The following IGF1R variants were observed in gnomAD, a reference collection of about 807,000 sequenced individuals.
IGF1R encodes the protein insulin like growth factor 1 receptor.
In IGF1R, 44 loss-of-function variants were observed where a neutral mutation model predicts 144.6. That is an observed-to-expected ratio of 0.30 (90% CI 0.24 to 0.39). IGF1R has a LOEUF of 0.39. IGF1R is among the 10% of genes least tolerant of loss of function. The probability of loss-of-function intolerance (pLI) is 1.00; values close to 1 mark genes in which losing one functional copy is unlikely to be tolerated. For synonymous variants in IGF1R, 795 were observed against 722.8 expected (o/e 1.10, Z -1.60); for missense variants, 1,355 against 1,833.7 (o/e 0.74, Z 4.77).
At chr15:98,667,133 T>C (rs1033972366) in intron 1 of IGF1R, among the ~76,000 whole-genome samples, 1 of 149,734 alleles carries the variant, frequency 6.7e-6, no homozygotes, top group Non-Finnish European at 1.5e-5. Flanking sequence ...AGAGACAGTA[T>C]TGCAGATAAT....
chr15:98,744,612 G>GAA (rs2054821443), intron 2 of IGF1R, among the ~76,000 whole-genome samples: 1 of 152,264 alleles, frequency 6.6e-6, no homozygotes, highest in South Asian at 2.1e-4. Flanking sequence ...TGCTGAGAGG[G>GAA]AAGGGTGGAT....
At chr15:98,880,047 G>T (rs867306271) in intron 2 of IGF1R, among the ~76,000 whole-genome samples, 36 of 152,128 alleles carry the variant, frequency 2.4e-4, no homozygotes, top group Middle Eastern at 6.8e-3. Flanking sequence ...ATTAATTGTG[G>T]TGGTGTTTGT....
chr15:98,855,466 G>T (rs758661493), intron 2 of IGF1R, among the ~76,000 whole-genome samples: 2 of 152,224 alleles, frequency 1.3e-5, no homozygotes, highest in Non-Finnish European at 2.9e-5. Context: ...TCCATAGATG[G>T]AGATGTTATC....
intron 2 of IGF1R, chr15:98,880,707 C>T (rs1057294944): frequency 1.3e-5 from 2 of 152,232 alleles, no homozygotes; most frequent in Admixed American, 1.3e-4. Context: ...GTACCATAGA[C>T]AGTTTTCCCT....
intron 2 of IGF1R, among the ~76,000 whole-genome samples, chr15:98,826,358 A>G (rs1023966475): frequency 6.6e-6 from 1 of 152,232 alleles, no homozygotes; most frequent in African/African-American, 2.4e-5. Flanking sequence ...CACATTGTCC[A>G]TGTTGCAACT....
At chr15:98,712,896 C>T (rs1301830104) in intron 2 of IGF1R, among the ~76,000 whole-genome samples, 4 of 149,864 alleles carry the variant, frequency 2.7e-5, no homozygotes, top group Admixed American at 6.7e-5. Flanking sequence ...AGGCATGAGC[C>T]ACTGCGCCCG....
intron 1 of IGF1R, among the ~76,000 whole-genome samples, chr15:98,691,520 C>T (rs982027285): frequency 1.2e-4 from 19 of 152,192 alleles, no homozygotes; most frequent in African/African-American, 4.3e-4. Flanking sequence ...CCTGCCACCA[C>T]ACCCAACTAA....
intron 10 of IGF1R, among the ~76,000 whole-genome samples, chr15:98,917,650 T>C (rs1383309486): frequency 1.3e-5 from 2 of 152,112 alleles, no homozygotes; most frequent in Admixed American, 6.5e-5. Flanking sequence ...TATTCAGCCA[T>C]AAAAAGGGAG....
intron 14 of IGF1R, 150 bp from the exon 15 acceptor site, chr15:98,930,085 A>G: frequency 1.4e-6 from 1 of 699,068 alleles, no homozygotes; most frequent in Non-Finnish European, 2.6e-6. Flanking sequence ...GGGAGTGTAG[A>G]CAAGAGCTGC....
At chr15:98,722,808 C>G (rs1396829305) in intron 2 of IGF1R, among the ~76,000 whole-genome samples, 1 of 152,082 alleles carries the variant, frequency 6.6e-6, no homozygotes, top group Admixed American at 6.5e-5. Context: ...GGTCTGTGGG[C>G]ATGCAGTGGG....
chr15:98,933,501 A>T (rs992760046), intron 15 of IGF1R, among the ~76,000 whole-genome samples: 1 of 151,752 alleles, frequency 6.6e-6, no homozygotes, highest in Non-Finnish European at 1.5e-5. Context: ...GTGCCATCAC[A>T]CCTGGCTAAT....
chr15:98,963,936 G>A lies in IGF1R; in HGVS notation c.*6494G>A, dbSNP rs112508206. On this transcript the variant is annotated 3_prime_UTR_variant, in exon 21 of 21. Transcript: ENST00000650285. Reference sequence around the variant, plus strand: ...CATGGGAAACACCTGGGGTTTTTGCGCTACATAGGAGAAAGATCTGGAAAC... The same window carrying A: ...CATGGGAAACACCTGGGGTTTTTGCACTACATAGGAGAAAGATCTGGAAAC... The A allele has an allele frequency of 1.6e-3, 375 of 233,208 alleles. 5 individuals are homozygous for A. Among genetic ancestry groups the A allele is most frequent in the African/African-American group, 6.4e-3 (290 of 45,424 alleles). 14.4% of individuals were successfully genotyped at this position (233,208 alleles called of 1,614,324 possible). A position where few individuals can be genotyped will look rare whatever the true frequency, so the allele number is the denominator to read the frequency against.
rs1359527491 is a variant in IGF1R, at chr15:98,963,377, A to G, written c.*5935A>G. 4.3e-6 allele frequency: 1 copy of G among 233,308 alleles called. No homozygotes were observed. Among genetic ancestry groups the G allele is most frequent in the Non-Finnish European group, 8.5e-6 (1 of 118,060 alleles). The allele number at this position is 233,308 out of a possible 1,614,324, so 14.5% of individuals were successfully genotyped here. On this transcript the variant is annotated 3_prime_UTR_variant, in exon 21 of 21. Transcript: ENST00000650285. ...ATGATGATTTAAAAAGTAGTTCTGTATCTTCAGTATCTTGGTCTTCCAGAA... is the reference window on the plus strand; with the variant it reads ...ATGATGATTTAAAAAGTAGTTCTGTGTCTTCAGTATCTTGGTCTTCCAGAA...
chr15:98,779,741 C>T (rs1046714301), intron 2 of IGF1R, among the ~76,000 whole-genome samples: 1 of 152,312 alleles, frequency 6.6e-6, no homozygotes, highest in East Asian at 1.9e-4. Context: ...TGCGGGGAGC[C>T]GAGTCCGAGG....
intron 2 of IGF1R, among the ~76,000 whole-genome samples, chr15:98,717,099 C>T (rs1287579083): frequency 6.6e-6 from 1 of 152,168 alleles, no homozygotes; most frequent in Admixed American, 6.5e-5. Flanking sequence ...TTGTACAGAA[C>T]AGGATGTATT....
chr15:98,788,587 T>C (rs1477553352), intron 2 of IGF1R, among the ~76,000 whole-genome samples: 1 of 152,242 alleles, frequency 6.6e-6, no homozygotes, highest in Admixed American at 6.5e-5. Context: ...TTTCCCTGAA[T>C]GCATGTAAAT....
At chr15:98,923,415 T>A (rs2015574505) in intron 11 of IGF1R, among the ~76,000 whole-genome samples, 1 of 152,254 alleles carries the variant, frequency 6.6e-6, no homozygotes, top group Admixed American at 6.5e-5. Flanking sequence ...GGAGGGTCCC[T>A]GTCACAGCCG....
chr15:98,879,124 A>C lies in IGF1R; in HGVS notation c.641-12201A>C, dbSNP rs1022242540. On this transcript the variant is annotated intron_variant, in intron 2 of 20. Transcript: ENST00000650285. ...AGGGCCGGTCCAGCCTGGATTTCAC[A>C]GTGTTCTTCATTGCCTTTGTCCTTG... Among the ~76,000 whole-genome samples the C allele has an allele frequency of 2.0e-5, 3 of 152,308 alleles. No homozygotes were observed. In the East Asian group the frequency reaches 5.8e-4, roughly 29 times the overall value.
intron 2 of IGF1R, among the ~76,000 whole-genome samples, chr15:98,805,137 A>G (rs187589302): frequency 6.6e-5 from 10 of 152,346 alleles, no homozygotes; most frequent in African/African-American, 2.4e-4. Context: ...TTGAATTTAG[A>G]TGACCTCAAT....
Sources: gnomAD v4.1 joint callset for allele counts (sites outside exome capture counted in the v4.1 genomes callset) on GRCh38, gnomAD v4.1.1 for gene constraint, MANE v1.5 for transcripts, NCBI Gene and HGNC (gene_info 2026-07-23, HGNC 2026-07-21) for gene names.